LRRC4C: variants seen among roughly 807,000 people sequenced by gnomAD.
The protein encoded by LRRC4C is leucine-rich repeat-containing protein 4C.
LRRC4C carries 5 observed loss-of-function variants against 33.6 expected under a neutral mutation model. The observed-to-expected ratio is 0.15, with a 90% CI of 0.08 to 0.31. LRRC4C has a LOEUF of 0.31. Among genes scored for constraint, LRRC4C ranks in the 10% least tolerant of loss-of-function variants. The pLI is 1.00. For synonymous variants in LRRC4C, 329 were observed against 302.0 expected (o/e 1.09, Z -0.93); for missense variants, 560 against 796.7 (o/e 0.70, Z 3.58).
At chr11:41,349,360 T>C (rs1186234570) in intron 1 of LRRC4C, among the ~76,000 whole-genome samples, 1 of 152,032 alleles carries the variant, frequency 6.6e-6, no homozygotes, top group Non-Finnish European at 1.5e-5. Flanking sequence ...TGAGGCACTT[T>C]TGCCATCACC....
At chr11:40,873,668 C>G (rs1278347998) in intron 2 of LRRC4C, among the ~76,000 whole-genome samples, 1 of 152,252 alleles carries the variant, frequency 6.6e-6, no homozygotes, top group African/African-American at 2.4e-5. Context: ...ATCTCCCATA[C>G]AGCATGGATT....
intron 6 of LRRC4C, among the ~76,000 whole-genome samples, chr11:40,131,926 A>G (rs780620656): frequency 7.2e-5 from 11 of 152,282 alleles, no homozygotes; most frequent in South Asian, 6.2e-4. Context: ...TTCCTTTTCC[A>G]TGAAATTGTA....
At chr11:41,378,936 T>G (rs1953041939) in intron 1 of LRRC4C, among the ~76,000 whole-genome samples, 1 of 151,716 alleles carries the variant, frequency 6.6e-6, no homozygotes, top group African/African-American at 2.4e-5. Context: ...TTTTTTTGTC[T>G]GTTTTTTATT....
At chr11:40,557,632 G>T (rs1957381912) in intron 3 of LRRC4C, among the ~76,000 whole-genome samples, 1 of 152,162 alleles carries the variant, frequency 6.6e-6, no homozygotes, top group African/African-American at 2.4e-5. Flanking sequence ...CTATTCTCAA[G>T]ATGAGGAAAG....
At chr11:40,918,779 C>T (rs944726956) in intron 2 of LRRC4C, among the ~76,000 whole-genome samples, 1 of 152,104 alleles carries the variant, frequency 6.6e-6, no homozygotes, top group Non-Finnish European at 1.5e-5. Flanking sequence ...GTCTCATTTT[C>T]ATCCAGATTT....
At chr11:40,786,857 C>G (rs1002158758) in intron 2 of LRRC4C, among the ~76,000 whole-genome samples, 1 of 151,832 alleles carries the variant, frequency 6.6e-6, no homozygotes, top group Non-Finnish European at 1.5e-5. Context: ...ATCTCCCCCA[C>G]CCCCCATCCA....
At chr11:41,376,674 T>C (rs969804435) in intron 1 of LRRC4C, among the ~76,000 whole-genome samples, 4 of 152,194 alleles carry the variant, frequency 2.6e-5, no homozygotes, top group Non-Finnish European at 4.4e-5. Context: ...ATGTAGATAC[T>C]GAACTTAGAA....
At chr11:41,100,164 G>A (rs947666445) in intron 1 of LRRC4C, among the ~76,000 whole-genome samples, 7 of 152,084 alleles carry the variant, frequency 4.6e-5, no homozygotes, top group African/African-American at 1.7e-4. Context: ...AACCAGGAAA[G>A]TGAAAGAACT....
intron 1 of LRRC4C, among the ~76,000 whole-genome samples, chr11:41,070,189 T>C (rs1424834502): frequency 1.3e-5 from 2 of 152,146 alleles, no homozygotes; most frequent in African/African-American, 4.8e-5. Context: ...GTTTAATAAA[T>C]GGTGCTGAGA....
chr11:40,988,699 C>CTTTCT (rs1213657745), intron 1 of LRRC4C, among the ~76,000 whole-genome samples: 13 of 126,380 alleles, frequency 1.0e-4, no homozygotes, highest in African/African-American at 2.8e-4. Flanking sequence ...ATTTGTTTTC[C>CTTTCT]TTTCTTTTCT....
chr11:40,283,138 A>G (rs1179108301), intron 4 of LRRC4C, among the ~76,000 whole-genome samples: 1 of 152,216 alleles, frequency 6.6e-6, no homozygotes, highest in Admixed American at 6.5e-5. Flanking sequence ...AGGACTGTAC[A>G]TTACCACACC....
intron 5 of LRRC4C, among the ~76,000 whole-genome samples, chr11:40,156,445 A>G (rs768565724): frequency 3.3e-5 from 5 of 152,148 alleles, no homozygotes; most frequent in Admixed American, 6.5e-5. Context: ...TTACCTTGAA[A>G]ACACTAAGAC....
At chr11:41,116,824 G>T (rs2135735853) in intron 1 of LRRC4C, among the ~76,000 whole-genome samples, 1 of 152,180 alleles carries the variant, frequency 6.6e-6, no homozygotes, top group East Asian at 1.9e-4. Flanking sequence ...AAAGCTATAA[G>T]TACAATAAAG....
chr11:41,287,159 A>G (rs115599273), intron 1 of LRRC4C, among the ~76,000 whole-genome samples: 2,216 of 152,326 alleles, frequency 0.015, 64 homozygotes, highest in African/African-American at 0.05. Context: ...AATATAAGCC[A>G]CTGTCTCTTC....
At chr11:40,265,819 C>T (rs959412131) in intron 4 of LRRC4C, among the ~76,000 whole-genome samples, 4 of 152,146 alleles carry the variant, frequency 2.6e-5, no homozygotes, top group Non-Finnish European at 5.9e-5. Flanking sequence ...GCTCAATTCA[C>T]GGTGATTTGA....
intron 3 of LRRC4C, among the ~76,000 whole-genome samples, chr11:40,450,409 AT>A (rs1364913978): frequency 6.6e-6 from 1 of 152,174 alleles, no homozygotes; most frequent in Non-Finnish European, 1.5e-5. Context: ...GGATTTCTAT[AT>A]TATAGCTCAT....
chr11:40,763,931 A>G (rs1415033803), intron 2 of LRRC4C, among the ~76,000 whole-genome samples: 1 of 152,174 alleles, frequency 6.6e-6, no homozygotes, highest in African/African-American at 2.4e-5. Flanking sequence ...TACTGGGCTC[A>G]GAGCCAGTGG....
intron 5 of LRRC4C, among the ~76,000 whole-genome samples, chr11:40,149,879 G>C (rs1185616405): frequency 1.3e-5 from 2 of 152,172 alleles, no homozygotes; most frequent in Admixed American, 6.5e-5. Flanking sequence ...AAAAGAGTCA[G>C]AGATGTGGGT....
intron 4 of LRRC4C, among the ~76,000 whole-genome samples, chr11:40,297,544 T>C (rs548975725): frequency 6.6e-6 from 1 of 152,316 alleles, no homozygotes; most frequent in African/African-American, 2.4e-5. Context: ...TTTCTTGAAA[T>C]ATAGATAAAA....
Sources: gnomAD v4.1 joint callset for allele counts (sites outside exome capture counted in the v4.1 genomes callset) on GRCh38, gnomAD v4.1.1 for gene constraint, MANE v1.5 for transcripts, NCBI Gene and HGNC (gene_info 2026-07-23, HGNC 2026-07-21) for gene names.